The following TTC27 variants were observed in gnomAD, a reference collection of about 807,000 sequenced individuals.
TTC27 encodes the protein tetratricopeptide repeat domain 27, also known as tetratricopeptide repeat protein 27.
Under a neutral mutation model 115.9 loss-of-function variants are expected in TTC27, and 79 were observed. The observed-to-expected ratio is 0.68, with a 90% CI of 0.57 to 0.82. The LOEUF is 0.82. Among genes scored for constraint, TTC27 ranks in the 40% least tolerant of loss-of-function variants. The probability of loss-of-function intolerance (pLI) is 0.00; values close to 1 mark genes in which losing one functional copy is unlikely to be tolerated. For synonymous variants in TTC27, 401 were observed against 356.0 expected (o/e 1.13, Z -1.42); for missense variants, 1,054 against 993.1 (o/e 1.06, Z -0.82).
chr2:32,729,452 T>A lies in TTC27; in HGVS notation c.1234-4376T>A, dbSNP rs532504573. ...TTCCATAGAGATATCCCTTGACCTGTGACACTGTGGCTCCTGGAAGATTTG... is the reference window on the plus strand; with the variant it reads ...TTCCATAGAGATATCCCTTGACCTGAGACACTGTGGCTCCTGGAAGATTTG... On this transcript the variant is annotated intron_variant, in intron 10 of 19. Transcript: ENST00000317907. Among the ~76,000 whole-genome samples, 12 of 152,342 alleles carry A rather than the reference T, an allele frequency of 7.9e-5. No individual in the cohort carries two copies. In the South Asian group the frequency reaches 2.5e-3, roughly 32 times the overall value.
chr2:32,793,738 G>T (rs1466108424), intron 16 of TTC27, among the ~76,000 whole-genome samples: 2 of 152,118 alleles, frequency 1.3e-5, no homozygotes, highest in African/African-American at 4.8e-5. Context: ...GGCCAGGCTG[G>T]TCTTGAACTC....
intron 14 of TTC27, chr2:32,780,247 G>T (rs1572606890): frequency 3.5e-6 from 1 of 287,582 alleles, no homozygotes; most frequent in East Asian, 7.8e-5. Context: ...TGAATAAGGG[G>T]AGTACTGCCA....
intron 14 of TTC27, 92 bp downstream of exon 14, chr2:32,778,072 G>A: frequency 8.3e-7 from 1 of 1,209,384 alleles, no homozygotes; most frequent in Non-Finnish European, 1.2e-6. Context: ...AATTCCTTTT[G>A]TGTTGGAGGA....
chr2:32,766,720 A>G (rs1411618913), intron 13 of TTC27, among the ~76,000 whole-genome samples: 1 of 152,232 alleles, frequency 6.6e-6, no homozygotes, highest in African/African-American at 2.4e-5. Flanking sequence ...GTAAGCACAC[A>G]GTGTTGGAAA....
At chr2:32,764,810 AC>A (rs1669570015) in intron 13 of TTC27, among the ~76,000 whole-genome samples, 1 of 152,248 alleles carries the variant, frequency 6.6e-6, no homozygotes, top group Non-Finnish European at 1.5e-5. Flanking sequence ...TTCACGAGGA[AC>A]AAATTCCATC....
intron 6 of TTC27, among the ~76,000 whole-genome samples, 158 bp from the exon 7 acceptor site, chr2:32,666,477 T>TAAG (rs1478547646): frequency 6.6e-6 from 1 of 152,160 alleles, no homozygotes; most frequent in Non-Finnish European, 1.5e-5. Context: ...TCTAATTTTA[T>TAAG]AAGTCATTTA....
At chr2:32,765,624 A>G (rs1037943980) in intron 13 of TTC27, among the ~76,000 whole-genome samples, 1 of 152,230 alleles carries the variant, frequency 6.6e-6, no homozygotes, top group African/African-American at 2.4e-5. Context: ...CTCTCTAGCT[A>G]TGAAAGTCCT....
chr2:32,778,014 T>C (rs768162735), intron 14 of TTC27, 34 bp downstream of exon 14: 1 of 1,595,852 alleles, frequency 6.3e-7, no homozygotes, highest in Non-Finnish European at 8.6e-7. Context: ...CTTACGTGGC[T>C]CTTTACTCTC....
At chr2:32,818,619 T>C (rs942587314) in intron 19 of TTC27, among the ~76,000 whole-genome samples, 7 of 152,196 alleles carry the variant, frequency 4.6e-5, no homozygotes, top group African/African-American at 1.4e-4. Flanking sequence ...TGCAGCCAGG[T>C]TTGGATTATA....
rs1269734690 is a variant in TTC27, at chr2:32,820,900, C to G, written c.2494C>G (p.Leu832Val). 1 of 1,530,436 alleles carries G rather than the reference C, an allele frequency of 6.5e-7. No individual in the cohort carries two copies. The highest frequency in any genetic ancestry group is 1.2e-5 in the South Asian group (1 of 80,324). 94.8% of individuals were successfully genotyped at this position (1,530,436 alleles called of 1,614,324 possible). Residue 832 changes from leucine to valine, a missense_variant, in exon 20 of 20, where the codon CTC becomes GTC. Coordinates refer to ENST00000317907, the MANE Select transcript of TTC27 (RefSeq NM_017735.5). ...AGCTATGGACACCTTAGTGACAGAG[C>G]TCCAAGACCTAAGCAACCAGTTTCG... ...ITAMDTLVTE[L>V]QDLSNQFRNQ... is the part of the protein sequence containing the mutation.
intron 10 of TTC27, among the ~76,000 whole-genome samples, chr2:32,713,645 T>A (rs1420893896): frequency 2.0e-5 from 3 of 152,228 alleles, no homozygotes; most frequent in Non-Finnish European, 1.5e-5. Flanking sequence ...ATTGGAAATT[T>A]GAGATTATTG....
chr2:32,670,278 T>G (rs1428167650), intron 7 of TTC27, among the ~76,000 whole-genome samples: 1 of 152,128 alleles, frequency 6.6e-6, no homozygotes, highest in Non-Finnish European at 1.5e-5. Flanking sequence ...TTATATAAAA[T>G]ATACCGATTT....
chr2:32,811,084 G>A lies in TTC27; in HGVS notation c.2059G>A (p.Ala687Thr), dbSNP rs754219044. Residue 687 changes from alanine to threonine, a missense_variant, in exon 17 of 20, where the codon GCA becomes ACA. Coordinates refer to ENST00000317907, the MANE Select transcript of TTC27 (RefSeq NM_017735.5). ...GATGACTGATCGAAGTGGAGATGTT[G>A]CAACTGGCCTCAAAGGAAAGCTGCA... ...DGMTDRSGDV[A>T]TGLKGKLQEL... The A allele has an allele frequency of 4.3e-6, 7 of 1,614,084 alleles. No individual in the cohort carries two copies. In the Admixed American group the frequency reaches 5.0e-5, roughly 12 times the overall value.
intron 7 of TTC27, among the ~76,000 whole-genome samples, chr2:32,670,005 G>T (rs1414619445): frequency 6.6e-6 from 1 of 151,316 alleles, no homozygotes; most frequent in Non-Finnish European, 1.5e-5. Context: ...TAGCCTCCGA[G>T]TAGCTGAGAC....
At chr2:32,670,412 A>G (rs982640855) in intron 7 of TTC27, among the ~76,000 whole-genome samples, 1 of 152,124 alleles carries the variant, frequency 6.6e-6, no homozygotes, top group Admixed American at 6.6e-5. Context: ...CATAGATTAG[A>G]TCTGTCTTTT....
At chr2:32,804,364 G>T (rs2148039561) in intron 16 of TTC27, among the ~76,000 whole-genome samples, 1 of 152,148 alleles carries the variant, frequency 6.6e-6, no homozygotes, top group South Asian at 2.1e-4. Context: ...CCTAAGGAAA[G>T]GTTCAGTAAT....
chr2:32,705,084 G>C (rs1283741426), intron 10 of TTC27: 4 of 376,482 alleles, frequency 1.1e-5, no homozygotes, highest in African/African-American at 8.4e-5. Context: ...GGGGGTGTTG[G>C]GGTCACGGGA....
chr2:32,818,667 C>T (rs1671586187), intron 19 of TTC27, among the ~76,000 whole-genome samples: 1 of 152,190 alleles, frequency 6.6e-6, no homozygotes, highest in Admixed American at 6.5e-5. Flanking sequence ...TAACTTCTAG[C>T]ACAATTTAGC....
intron 12 of TTC27, among the ~76,000 whole-genome samples, chr2:32,737,470 A>G (rs1235285200): frequency 6.6e-6 from 1 of 152,190 alleles, no homozygotes; most frequent in African/African-American, 2.4e-5. Flanking sequence ...TGAGTACATA[A>G]GCAAGCAGAG....
Sources: allele counts gnomAD v4.1 joint callset (sites outside exome capture counted in the v4.1 genomes callset), GRCh38; gene constraint gnomAD v4.1.1; transcripts MANE v1.5; gene names NCBI Gene and HGNC (gene_info 2026-07-23, HGNC 2026-07-21).